Variants in PRDM5 observed in about 807,000 individuals in gnomAD.
PRDM5 encodes the protein PR/SET domain 5, also known as PR domain zinc finger protein 5.
In PRDM5, 56 loss-of-function variants were observed where a neutral mutation model predicts 81.2. The observed-to-expected ratio is 0.69, with a 90% CI of 0.56 to 0.86. The LOEUF is 0.86. Ranked by LOEUF, PRDM5 falls within the 40% of genes least tolerant of loss-of-function variation. The pLI is 0.00. For missense variants in PRDM5, 697 were observed against 770.1 expected, an observed-to-expected ratio of 0.91 and a Z score of 1.12; for synonymous variants, 267 against 256.4, an observed-to-expected ratio of 1.04 and a Z score of -0.39.
chr4:120,839,736 A>T (rs1757777318), intron 3 of PRDM5, among the ~76,000 whole-genome samples: 1 of 152,154 alleles, frequency 6.6e-6, no homozygotes, highest in Non-Finnish European at 1.5e-5. Context: ...CCAGGAGCCT[A>T]TCTGCCTCCT....
At chr4:120,744,963 G>T (rs1742755768) in intron 14 of PRDM5, among the ~76,000 whole-genome samples, 1 of 142,354 alleles carries the variant, frequency 7.0e-6, no homozygotes, top group Non-Finnish European at 1.5e-5. Context: ...CCAAAGCCAG[G>T]CAGAGACACA....
At chr4:120,813,860 C>A (rs1243809029) in intron 7 of PRDM5, among the ~76,000 whole-genome samples, 1 of 152,174 alleles carries the variant, frequency 6.6e-6, no homozygotes. Context: ...CTCCTTCCCA[C>A]TGGATGGGTC....
intron 10 of PRDM5, among the ~76,000 whole-genome samples, chr4:120,787,473 G>A (rs1749925055): frequency 6.6e-6 from 1 of 152,186 alleles, no homozygotes; most frequent in African/African-American, 2.4e-5. Flanking sequence ...TGCCTTGATG[G>A]CTGTGTTGAC....
chr4:120,769,687 A>C (rs1480665542), intron 13 of PRDM5, among the ~76,000 whole-genome samples: 1 of 152,228 alleles, frequency 6.6e-6, no homozygotes, highest in Non-Finnish European at 1.5e-5. Context: ...AAAACCCATG[A>C]GAACAGCAAA....
At chr4:120,732,080 G>C (rs140780063) in intron 14 of PRDM5, among the ~76,000 whole-genome samples, 167 of 152,186 alleles carry the variant, frequency 1.1e-3, no homozygotes, top group African/African-American at 4.0e-3. Context: ...TCAGGATAAG[G>C]GTAGGCATTT....
chr4:120,693,888 A>G lies in PRDM5; in HGVS notation c.*1223T>C, dbSNP rs971441789. ...TTGTATCATATCATCTCTCCAAACA[A>G]GCTGTTCATTGTATGTTGCTGTCAA... is the stretch of plus-strand genomic sequence containing the variant. On this transcript the variant is annotated 3_prime_UTR_variant, in exon 16 of 16. Coordinates refer to ENST00000264808, the MANE Select transcript of PRDM5 (RefSeq NM_018699.4). 1 of 152,110 alleles carries G rather than the reference A, an allele frequency of 6.6e-6. No individual in the cohort carries two copies. Among genetic ancestry groups the G allele is most frequent in the Non-Finnish European group, 1.5e-5 (1 of 68,004 alleles). 9.4% of individuals were successfully genotyped at this position (152,110 alleles called of 1,614,324 possible). A position where few individuals can be genotyped will look rare whatever the true frequency, so the allele number is the denominator to read the frequency against.
chr4:120,860,394 T>G (rs1579019527), intron 2 of PRDM5, among the ~76,000 whole-genome samples: 4 of 152,178 alleles, frequency 2.6e-5, no homozygotes, highest in Admixed American at 1.3e-4. Flanking sequence ...GGGCTAATTT[T>G]TTTTAAAAAA....
At chr4:120,883,723 A>C (rs1343280763) in intron 2 of PRDM5, among the ~76,000 whole-genome samples, 1 of 152,180 alleles carries the variant, frequency 6.6e-6, no homozygotes, top group African/African-American at 2.4e-5. Flanking sequence ...CTAGAACTTA[A>C]AGTATAATAA....
rs1445352858 is a variant in PRDM5, at chr4:120,740,812, C to T, written c.1623+13741G>A. ...AAGAGATAGAACTGATAATGTCACT[C>T]CTCTACTCAAAACCAAACCAAACAC... On this transcript the variant is annotated intron_variant, in intron 14 of 15. Transcript: ENST00000264808. Among the ~76,000 whole-genome samples, 4 of 152,138 alleles carry T rather than the reference C, an allele frequency of 2.6e-5. No individual in the cohort carries two copies. The South Asian group carries it at 8.3e-4, about 32-fold the overall frequency.
rs2148711636 is a variant in PRDM5 at position 120,916,846 on chromosome 4, T to C, written c.93+5670A>G. 2.6e-5 allele frequency among the ~76,000 whole-genome samples: 4 copies of C among 152,342 alleles called. 1 individual carries two copies. The South Asian group carries it at 8.3e-4, about 32-fold the overall frequency. ...CACATCCAATCCTATCAGCATGTTC[T>C]GTTACCCCACACTACCAAAGTAGCC... On this transcript the variant is annotated intron_variant, in intron 1 of 15. Coordinates refer to ENST00000264808, the MANE Select transcript of PRDM5 (RefSeq NM_018699.4).
intron 4 of PRDM5, among the ~76,000 whole-genome samples, chr4:120,820,083 C>G (rs1005883278): frequency 6.6e-6 from 1 of 152,166 alleles, no homozygotes; most frequent in Non-Finnish European, 1.5e-5. Context: ...TCTGAATGTT[C>G]GTGAATCCCC....
intron 13 of PRDM5, 21 bp downstream of exon 13, chr4:120,777,167 G>C: frequency 6.2e-7 from 1 of 1,613,002 alleles, no homozygotes; most frequent in Non-Finnish European, 8.5e-7. Context: ...TTTTTCACTA[G>C]TCTAATTACA....
chr4:120,791,973 T>TA (rs1392312506), intron 10 of PRDM5, among the ~76,000 whole-genome samples: 1 of 152,194 alleles, frequency 6.6e-6, no homozygotes, highest in Non-Finnish European at 1.5e-5. Flanking sequence ...ACCTTGATCT[T>TA]ACATTATCCA....
intron 2 of PRDM5, among the ~76,000 whole-genome samples, chr4:120,856,960 T>C (rs1759945353): frequency 6.6e-6 from 1 of 152,218 alleles, no homozygotes; most frequent in African/African-American, 2.4e-5. Flanking sequence ...CTGGGGCCAA[T>C]GATGAAGTCA....
At chr4:120,892,453 T>C (rs531187977) in intron 2 of PRDM5, among the ~76,000 whole-genome samples, 1 of 152,318 alleles carries the variant, frequency 6.6e-6, no homozygotes, top group African/African-American at 2.4e-5. Flanking sequence ...TAAGTCTCTT[T>C]GTAGATCTAT....
chr4:120,839,559 G>A (rs765468548), intron 3 of PRDM5, among the ~76,000 whole-genome samples: 34 of 152,132 alleles, frequency 2.2e-4, no homozygotes, highest in Non-Finnish European at 3.8e-4. Context: ...TACAGGCCTC[G>A]GAGGGGAGGA....
At chr4:120,721,937 C>G (rs1418715796) in intron 14 of PRDM5, among the ~76,000 whole-genome samples, 1 of 152,170 alleles carries the variant, frequency 6.6e-6, no homozygotes, top group Non-Finnish European at 1.5e-5. Flanking sequence ...ATGGTGGGCA[C>G]GCGGGTGCCC....
intron 13 of PRDM5, among the ~76,000 whole-genome samples, chr4:120,769,071 T>C (rs1226712432): frequency 6.6e-6 from 1 of 152,174 alleles, no homozygotes; most frequent in East Asian, 1.9e-4. Context: ...TGTGAAAAAA[T>C]AATTTTATGG....
chr4:120,840,607 C>G (rs568246349), intron 3 of PRDM5, among the ~76,000 whole-genome samples: 2 of 152,256 alleles, frequency 1.3e-5, no homozygotes, highest in Middle Eastern at 3.4e-3. Context: ...CCCCTTCCCC[C>G]CATGGGCAAG....
Sources: gnomAD v4.1 joint callset for allele counts (sites outside exome capture counted in the v4.1 genomes callset) on GRCh38, gnomAD v4.1.1 for gene constraint, MANE v1.5 for transcripts, NCBI Gene and HGNC (gene_info 2026-07-23, HGNC 2026-07-21) for gene names.